Variants in FSHR observed in about 807,000 individuals in gnomAD.
FSHR encodes the protein follicle stimulating hormone receptor.
Under a neutral mutation model 52.1 loss-of-function variants are expected in FSHR, and 46 were observed. The observed-to-expected ratio is 0.88, with a 90% CI of 0.70 to 1.13. The LOEUF is 1.13. FSHR is among the 50% of genes most tolerant of loss of function. The pLI is 0.00. For missense variants in FSHR, 964 were observed against 834.6 expected (o/e 1.16, Z -1.91); for synonymous variants, 399 against 309.6 (o/e 1.29, Z -3.03).
chr2:49,014,206 C>T (rs769448012), intron 4 of FSHR, among the ~76,000 whole-genome samples: 2 of 152,174 alleles, frequency 1.3e-5, no homozygotes, highest in Admixed American at 6.5e-5. Flanking sequence ...GAGAATCCCT[C>T]GACAGTGACA....
chr2:48,963,717 C>T lies in FSHR; in HGVS notation c.1104G>A (p.Leu368=). 1 of 1,614,176 alleles carries T rather than the reference C, an allele frequency of 6.2e-7. No individual in the cohort carries two copies. Among genetic ancestry groups the T allele is most frequent in the South Asian group, 1.1e-5 (1 of 91,084 alleles). The part of the protein sequence containing the change: ...DIMGYNILRV[L]IWFISILAIT... ...TGGCCAGGATGCTGATAAACCATAT[C>T]AGGACTCTGAGGATGTTGTACCCCA... Residue 368 remains leucine, a synonymous_variant, in exon 10 of 10, where the codon CTG becomes CTA. Transcript: ENST00000406846.
At chr2:49,144,568 AT>A (rs1412793611) in intron 1 of FSHR, among the ~76,000 whole-genome samples, 2 of 152,092 alleles carry the variant, frequency 1.3e-5, no homozygotes, top group Non-Finnish European at 2.9e-5. Flanking sequence ...GTCATATTTT[AT>A]TTCATTGCTT....
chr2:48,996,356 A>G (rs546882592), intron 4 of FSHR, among the ~76,000 whole-genome samples: 2 of 152,214 alleles, frequency 1.3e-5, no homozygotes, highest in African/African-American at 4.8e-5. Context: ...GTCACCTCAA[A>G]CATGGAATTA....
intron 1 of FSHR, among the ~76,000 whole-genome samples, chr2:49,149,706 C>T (rs774037531): frequency 6.6e-6 from 1 of 151,980 alleles, no homozygotes; most frequent in Non-Finnish European, 1.5e-5. Flanking sequence ...TTTAAAATTC[C>T]TAATAATAAT....
intron 4 of FSHR, among the ~76,000 whole-genome samples, chr2:49,007,549 G>T (rs1667114413): frequency 2.0e-5 from 3 of 152,138 alleles, no homozygotes; most frequent in Admixed American, 2.0e-4. Context: ...GCAGGATAAT[G>T]TAGTTTTGCT....
chr2:49,091,686 A>G (rs1392271596), intron 1 of FSHR, among the ~76,000 whole-genome samples: 1 of 152,234 alleles, frequency 6.6e-6, no homozygotes, highest in African/African-American at 2.4e-5. Flanking sequence ...ATTTCTGTCA[A>G]AAATTAATTA....
chr2:49,090,932 A>G (rs1670582772), intron 1 of FSHR, among the ~76,000 whole-genome samples: 1 of 151,638 alleles, frequency 6.6e-6, no homozygotes, highest in Admixed American at 6.6e-5. Context: ...GAAGTGACTG[A>G]TTCTTTCCCA....
At chr2:49,063,339 A>G (rs1222402874) in intron 2 of FSHR, among the ~76,000 whole-genome samples, 1 of 152,086 alleles carries the variant, frequency 6.6e-6, no homozygotes, top group Non-Finnish European at 1.5e-5. Context: ...TCAAAGACCT[A>G]TTTGCACTCT....
At chr2:49,000,141 C>T (rs1187714981) in intron 4 of FSHR, among the ~76,000 whole-genome samples, 1 of 152,048 alleles carries the variant, frequency 6.6e-6, no homozygotes, top group African/African-American at 2.4e-5. Context: ...CTCTCCACCA[C>T]CAAGTTTGCA....
intron 2 of FSHR, among the ~76,000 whole-genome samples, chr2:49,056,880 C>G (rs950157552): frequency 6.6e-5 from 10 of 151,994 alleles, no homozygotes; most frequent in Admixed American, 3.9e-4. Flanking sequence ...AAAGCATACA[C>G]TACATGGAAA....
intron 4 of FSHR, among the ~76,000 whole-genome samples, chr2:49,011,191 C>T (rs531283613): frequency 6.6e-6 from 1 of 151,036 alleles, no homozygotes; most frequent in Non-Finnish European, 1.5e-5. Context: ...CCTCTACACA[C>T]TGCTTTGAAT....
intron 4 of FSHR, among the ~76,000 whole-genome samples, chr2:48,997,760 G>C (rs550600356): frequency 6.6e-6 from 1 of 152,242 alleles, no homozygotes; most frequent in East Asian, 1.9e-4. Context: ...TAGGACCTGG[G>C]TCATGTCTTA....
intron 1 of FSHR, among the ~76,000 whole-genome samples, chr2:49,132,073 A>G (rs1444465157): frequency 2.6e-5 from 4 of 152,182 alleles, no homozygotes; most frequent in African/African-American, 9.7e-5. Context: ...TCTATGTGTC[A>G]GGGCTGCATC....
intron 4 of FSHR, among the ~76,000 whole-genome samples, chr2:48,993,750 A>T (rs942435388): frequency 2.0e-5 from 3 of 152,002 alleles, no homozygotes; most frequent in Non-Finnish European, 4.4e-5. Context: ...GCTTTCTTTC[A>T]GTTCCTCAGC....
rs1667357349 is a variant in FSHR at position 49,013,481 on chromosome 2, A to AATATATAT, written c.374+4007_374+4008insATATATAT. ...ATATATAAATATATATATATATATAAATAAATATATATATATATAAATATA... is the reference window on the plus strand; with the variant it reads ...ATATATAAATATATATATATATATAAATATATATATAAATATATATATATATAAATATA... On this transcript the variant is annotated intron_variant, in intron 4 of 9. Coordinates refer to ENST00000406846, the MANE Select transcript of FSHR (RefSeq NM_000145.4). Among the ~76,000 whole-genome samples, 5 of 115,028 alleles carry AATATATAT rather than the reference A, an allele frequency of 4.3e-5. No individual in the cohort carries two copies. In the South Asian group the frequency reaches 8.5e-4, roughly 20 times the overall value. The allele number at this position is 115,028 out of a possible 152,430, so 75.5% of individuals were successfully genotyped here.
chr2:49,154,321 G>C lies in FSHR; in HGVS notation c.97C>G (p.Gln33Glu). Residue 33 changes from glutamine (Q) to glutamate (E), a missense_variant, in exon 1 of 10, where the codon CAA (glutamine) becomes GAA (glutamate). Gln to Glu is a conservative substitution (Grantham distance 29). Coordinates refer to ENST00000406846, the MANE Select transcript of FSHR (RefSeq NM_000145.4). ...CHCSNRVFLCQESKVTEIPSD... is the reference protein window; with the variant it reads ...CHCSNRVFLCEESKVTEIPSD... ...GGAATCTCTGTCACCTTGCTCTCTT[G>C]GCAGAGAAAAACCCTGTTAGAGCAG... 1.2e-6 allele frequency: 2 copies of C among 1,613,824 alleles called. No individual in the cohort carries two copies. Among genetic ancestry groups the C allele is most frequent in the Non-Finnish European group, 8.5e-7 (1 of 1,179,884 alleles).
intron 1 of FSHR, among the ~76,000 whole-genome samples, chr2:49,070,137 A>G (rs909616355): frequency 1.3e-5 from 2 of 152,182 alleles, no homozygotes; most frequent in Non-Finnish European, 2.9e-5. Flanking sequence ...TTGCCAGGAA[A>G]CAGTTGAGGG....
chr2:49,006,568 T>C (rs989914098), intron 4 of FSHR, among the ~76,000 whole-genome samples: 3 of 152,088 alleles, frequency 2.0e-5, no homozygotes, highest in African/African-American at 7.2e-5. Flanking sequence ...TATTCTTCTT[T>C]TATGTCTCTC....
chr2:49,012,807 A>T (rs748081146), intron 4 of FSHR, among the ~76,000 whole-genome samples: 1 of 152,200 alleles, frequency 6.6e-6, no homozygotes, highest in Admixed American at 6.6e-5. Flanking sequence ...ATCTACCTCT[A>T]CCTGGCTGCT....
Sources: gnomAD v4.1 joint callset for allele counts (sites outside exome capture counted in the v4.1 genomes callset) on GRCh38, gnomAD v4.1.1 for gene constraint, MANE v1.5 for transcripts, NCBI Gene and HGNC (gene_info 2026-07-23, HGNC 2026-07-21) for gene names.